The following IPCEF1 variants were observed in gnomAD, a reference collection of about 807,000 sequenced individuals.
The protein encoded by IPCEF1 is interaction protein for cytohesin exchange factors 1.
In IPCEF1, 31 loss-of-function variants were observed where a neutral mutation model predicts 50.9. The observed-to-expected ratio is 0.61, with a 90% confidence interval of 0.46 to 0.82. IPCEF1 has a LOEUF of 0.82. IPCEF1 is among the 40% of genes least tolerant of loss of function. IPCEF1 has a pLI of 0.00. For missense variants in IPCEF1, 458 were observed against 514.0 expected (o/e 0.89, Z 1.05); for synonymous variants, 181 against 192.0 (o/e 0.94, Z 0.47).
At chr6:154,205,342 C>T (rs994047601) in intron 9 of IPCEF1, among the ~76,000 whole-genome samples, 1 of 152,112 alleles carries the variant, frequency 6.6e-6, no homozygotes, top group Non-Finnish European at 1.5e-5. Flanking sequence ...TGCCTGTAAT[C>T]TCAGCACTTT....
chr6:154,349,689 T>C (rs559161617), intron 1 of IPCEF1, among the ~76,000 whole-genome samples: 19 of 152,100 alleles, frequency 1.2e-4, no homozygotes, highest in Non-Finnish European at 1.9e-4. Flanking sequence ...TGCATAAAAC[T>C]CTGAAGAATG....
At position 154,324,752 on chromosome 6, in the gene IPCEF1, GA is replaced by G. The variant is rs1269327435; in HGVS notation, c.-62+31919del. On this transcript the variant is annotated intron_variant, in intron 1 of 11. Coordinates refer to ENST00000367220, the MANE Select transcript of IPCEF1 (RefSeq NM_001130700.2). Reference sequence around the variant, plus strand: ...GAACCCAGGAAGCGGAAGTTGCAGTGAGCTGAGATCGCGCTACTGTACTCCA... The same window carrying G: ...GAACCCAGGAAGCGGAAGTTGCAGTGGCTGAGATCGCGCTACTGTACTCCA... Among the ~76,000 whole-genome samples, 3 of 152,282 alleles carry G rather than the reference GA, an allele frequency of 2.0e-5. No individual in the cohort carries two copies. In the East Asian group the frequency reaches 5.8e-4, roughly 29 times the overall value.
chr6:154,263,787 G>C lies in IPCEF1; in HGVS notation c.36+2125C>G, dbSNP rs1431466538. 1.2e-4 allele frequency among the ~76,000 whole-genome samples: 2 copies of C among 16,824 alleles called. 1 individual carries two copies. Among genetic ancestry groups the C allele is most frequent in the African/African-American group, 3.5e-4 (2 of 5,658 alleles). The allele number at this position is 16,824 out of a possible 152,430, so 11.0% of individuals were successfully genotyped here. Reference sequence around the variant, plus strand: ...ACACCTCCCAGACGAGGTGGTGGCCGGGCAGAGGGGCTCCTCACTTCCCAG... The same window carrying C: ...ACACCTCCCAGACGAGGTGGTGGCCCGGCAGAGGGGCTCCTCACTTCCCAG... On this transcript the variant is annotated intron_variant, in intron 3 of 11. Transcript: ENST00000367220.
chr6:154,334,465 T>C (rs1783746651), intron 1 of IPCEF1, among the ~76,000 whole-genome samples: 1 of 138,630 alleles, frequency 7.2e-6, no homozygotes, highest in East Asian at 2.9e-4. Flanking sequence ...CTATAAGGCA[T>C]CAAAGGCAAG....
In IPCEF1 at chr6:154,160,020, G is replaced by T; in HGVS notation, c.1125C>A (p.Ala375=). 6.2e-7 allele frequency: 1 copy of T among 1,611,832 alleles called. No homozygotes were observed. The highest frequency in any genetic ancestry group is 8.5e-7 in the Non-Finnish European group (1 of 1,179,788). The change falls in exon 12 of 12, where the codon GCC becomes GCA. Residue 375 remains alanine, a synonymous_variant. Transcript: ENST00000367220. ...GGTCATCCAGCAACTGGTTAATCAT[G>T]GCCAGATCATGTTCTTTACACTGTG... ...STLKCKEHDL[A]MINQLLDDPK...
Position 154,305,151 on chromosome 6 carries a change from T to A in IPCEF1, c.-61-15395A>T, listed in dbSNP as rs923278755. Among the ~76,000 whole-genome samples the A allele has an allele frequency of 6.7e-5, 9 of 133,706 alleles. 1 individual carries two copies. The East Asian group carries it at 2.0e-3, about 30-fold the overall frequency. 87.7% of individuals were successfully genotyped at this position (133,706 alleles called of 152,430 possible). On this transcript the variant is annotated intron_variant, in intron 1 of 11. Transcript: ENST00000367220. ...AAGAAAAGAAAAGAAAGAAAGAAAA[T>A]ATGTGAGAAGACTGTGCCTCCTTGC...
chr6:154,167,680 T>C (rs1799547855), intron 11 of IPCEF1, among the ~76,000 whole-genome samples: 1 of 152,212 alleles, frequency 6.6e-6, no homozygotes, highest in African/African-American at 2.4e-5. Flanking sequence ...TGAAATTTTA[T>C]ATCAGAGTGA....
intron 10 of IPCEF1, 150 bp downstream of exon 10, chr6:154,199,518 T>C (rs1776904392): frequency 1.1e-6 from 1 of 923,486 alleles, no homozygotes; most frequent in Non-Finnish European, 1.6e-6. Context: ...CAAACTCCTC[T>C]ACAAAGCAAC....
intron 2 of IPCEF1, among the ~76,000 whole-genome samples, chr6:154,274,673 T>C (rs1782009871): frequency 6.6e-6 from 1 of 152,144 alleles, no homozygotes; most frequent in Admixed American, 6.5e-5. Context: ...CTCCTGAACC[T>C]GAAACTTCTA....
rs1459813887 is a variant in IPCEF1 at position 154,167,605 on chromosome 6, T to A, written c.1104+315A>T. 5.3e-5 allele frequency among the ~76,000 whole-genome samples: 8 copies of A among 152,370 alleles called. No homozygotes were observed. The East Asian group carries it at 1.5e-3, about 29-fold the overall frequency. On this transcript the variant is annotated intron_variant, in intron 11 of 11. Coordinates refer to ENST00000367220, the MANE Select transcript of IPCEF1 (RefSeq NM_001130700.2). ...CATCAACATTTATTGAACCAGGTAC[T>A]GTGCTAGGTATAAGGGTTAAAAAAC...
At chr6:154,276,098 C>T (rs1478282757) in intron 2 of IPCEF1, among the ~76,000 whole-genome samples, 1 of 151,898 alleles carries the variant, frequency 6.6e-6, no homozygotes, top group Admixed American at 6.6e-5. Flanking sequence ...GCAGGAGAAT[C>T]GCTTGAACCT....
At chr6:154,324,969 A>G (rs922168169) in intron 1 of IPCEF1, among the ~76,000 whole-genome samples, 3 of 152,356 alleles carry the variant, frequency 2.0e-5, no homozygotes, top group African/African-American at 7.2e-5. Flanking sequence ...CGCATATGAC[A>G]ATGAGTTCAT....
rs17277929 is a variant in IPCEF1 at position 154,156,778 on chromosome 6, T to C, written c.*3050A>G. Reference sequence around the variant, plus strand: ...AAAAGACGCCCTTGCAATGCAGGGCTCAGAGTGTCTATTTGCAATATATCA... The same window carrying C: ...AAAAGACGCCCTTGCAATGCAGGGCCCAGAGTGTCTATTTGCAATATATCA... On this transcript the variant is annotated 3_prime_UTR_variant, in exon 12 of 12. Transcript: ENST00000367220. 18,324 of 152,218 alleles carry C rather than the reference T, an allele frequency of 0.12. 1,381 individuals carry two copies. The highest frequency in any genetic ancestry group is 0.27 in the Middle Eastern group (79 of 294). 9.4% of individuals were successfully genotyped at this position (152,218 alleles called of 1,614,324 possible). A position where few individuals can be genotyped will look rare whatever the true frequency, so the allele number is the denominator to read the frequency against.
chr6:154,182,591 G>T (rs1323211945), intron 10 of IPCEF1, among the ~76,000 whole-genome samples: 1 of 152,182 alleles, frequency 6.6e-6, no homozygotes, highest in Non-Finnish European at 1.5e-5. Flanking sequence ...TAAGAAAACA[G>T]AAAACGTTGG....
At chr6:154,224,717 A>C (rs1779121497) in intron 5 of IPCEF1, among the ~76,000 whole-genome samples, 1 of 152,146 alleles carries the variant, frequency 6.6e-6, no homozygotes, top group Non-Finnish European at 1.5e-5. Context: ...TCTTAAAAAA[A>C]ACAAACAAAC....
chr6:154,238,158 GT>G (rs1780288403), intron 5 of IPCEF1, among the ~76,000 whole-genome samples: 1 of 152,188 alleles, frequency 6.6e-6, no homozygotes, highest in Non-Finnish European at 1.5e-5. Context: ...ACAGCATCAT[GT>G]ATGATATTAT....
At chr6:154,170,902 G>A (rs1583696536) in intron 10 of IPCEF1, among the ~76,000 whole-genome samples, 3 of 152,252 alleles carry the variant, frequency 2.0e-5, no homozygotes, top group South Asian at 4.1e-4. Context: ...ACAGGGTCTT[G>A]GTCTATCACC....
intron 3 of IPCEF1, among the ~76,000 whole-genome samples, chr6:154,261,509 A>G (rs1177421534): frequency 6.6e-6 from 1 of 152,212 alleles, no homozygotes; most frequent in Non-Finnish European, 1.5e-5. Flanking sequence ...GGCTGTGAAG[A>G]TGGAGAAATA....
At chr6:154,237,817 T>C (rs965557269) in intron 5 of IPCEF1, among the ~76,000 whole-genome samples, 1 of 152,132 alleles carries the variant, frequency 6.6e-6, no homozygotes, top group Non-Finnish European at 1.5e-5. Context: ...TTTATACACA[T>C]GCATATCTAT....
Sources: gnomAD v4.1 joint callset for allele counts (sites outside exome capture counted in the v4.1 genomes callset) on GRCh38, gnomAD v4.1.1 for gene constraint, MANE v1.5 for transcripts, NCBI Gene and HGNC (gene_info 2026-07-23, HGNC 2026-07-21) for gene names.